Variants in LIPA observed in about 807,000 individuals in gnomAD.
The protein encoded by LIPA is lysosomal acid lipase/cholesteryl ester hydrolase.
In LIPA, 26 loss-of-function variants were observed where a neutral mutation model predicts 40.6. The ratio of observed to expected loss-of-function variants is 0.64; its 90% CI spans 0.47 to 0.89. The LOEUF (loss-of-function observed/expected upper bound fraction) is 0.89. LIPA is among the 40% of genes least tolerant of loss of function. The probability of loss-of-function intolerance (pLI) is 0.00; values close to 1 mark genes in which losing one functional copy is unlikely to be tolerated. For missense variants in LIPA, 455 were observed against 479.6 expected (o/e 0.95, Z 0.48); for synonymous variants, 188 against 168.4 (o/e 1.12, Z -0.90).
At chr10:89,372,172 C>G (rs1243964268) in intron 2 of LIPA, among the ~76,000 whole-genome samples, 1 of 152,234 alleles carries the variant, frequency 6.6e-6, no homozygotes, top group African/African-American at 2.4e-5. Flanking sequence ...TCTGTCTTAT[C>G]TGCTTTTGCA....
At chr10:89,340,085 C>G in intron 1 of LIPA, 2 of 1,612,036 alleles carry the variant, frequency 1.2e-6, no homozygotes, top group East Asian at 2.2e-5. Flanking sequence ...GCAGTCAGCT[C>G]CAGTCCCAGA....
At chr10:89,253,124 G>A (rs1475076245), upstream of LIPA, among the ~76,000 whole-genome samples, 2 of 152,198 alleles carry the variant, frequency 1.3e-5, no homozygotes, top group African/African-American at 2.4e-5. Context: ...TGAGTAAGAT[G>A]AGAAGCCAGT....
chr10:89,251,583 G>A (rs951547354), intron 1 of LIPA, among the ~76,000 whole-genome samples, 154 bp downstream of exon 1: 9 of 152,178 alleles, frequency 5.9e-5, no homozygotes, highest in African/African-American at 2.2e-4. Flanking sequence ...CGCAGAAAAA[G>A]CACCCGCAGG....
In LIPA at chr10:89,385,047, T is replaced by C. The variant is rs1844200626; in HGVS notation, c.61+27744A>G. 4 of 242,808 alleles carry C rather than the reference T, an allele frequency of 1.6e-5. No homozygotes were observed. In the South Asian group the frequency reaches 4.1e-4, roughly 25 times the overall value. The allele number at this position is 242,808 out of a possible 1,614,324, so 15.0% of individuals were successfully genotyped here. Reference sequence around the variant, plus strand: ...GATCAAATTGCTATAACGTGTGTACTGACCTTATGTGGAAAATGCTGCAAC... The same window carrying C: ...GATCAAATTGCTATAACGTGTGTACCGACCTTATGTGGAAAATGCTGCAAC... On this transcript the variant is annotated intron_variant, in intron 2 of 8. Transcript: ENST00000371837.
At chr10:89,352,839 A>G (rs1325931929) in intron 2 of LIPA, among the ~76,000 whole-genome samples, 1 of 151,928 alleles carries the variant, frequency 6.6e-6, no homozygotes, top group Admixed American at 6.6e-5. Context: ...ATTTGTCCAT[A>G]AGGAAATTCC....
rs775551083 is a variant in LIPA at position 89,340,037 on chromosome 10, C to T, written c.-2+2574G>A. The T allele has an allele frequency of 3.1e-6, 5 of 1,614,064 alleles. No homozygotes were observed. The African/African-American group carries it at 5.3e-5, about 17-fold the overall frequency. Reference sequence around the variant, plus strand: ...ATAGGCAGTATTTTCCTGTCAGCATCTGAGCTTGAGGATGGTAGTGAGGAA... The same window carrying T: ...ATAGGCAGTATTTTCCTGTCAGCATTTGAGCTTGAGGATGGTAGTGAGGAA... On this transcript the variant is annotated intron_variant, in intron 1 of 5. Transcript: ENST00000282673.
intron 2 of LIPA, among the ~76,000 whole-genome samples, chr10:89,358,994 T>C (rs1043930768): frequency 2.0e-5 from 3 of 152,228 alleles, no homozygotes; most frequent in Non-Finnish European, 2.9e-5. Flanking sequence ...GATTACACAC[T>C]GTATAAATGT....
chr10:89,345,035 C>T (rs1216129037), upstream of LIPA, among the ~76,000 whole-genome samples: 3 of 151,166 alleles, frequency 2.0e-5, no homozygotes, highest in South Asian at 2.1e-4. Flanking sequence ...GGCATAGTGG[C>T]GGGCATCTGT....
At chr10:89,378,175 T>C in intron 2 of LIPA, 1 of 1,612,000 alleles carries the variant, frequency 6.2e-7, no homozygotes, top group South Asian at 1.1e-5. Context: ...ACCTTATTTC[T>C]GCACACTTTG....
At position 89,354,240 on chromosome 10, in the gene LIPA, C is replaced by T. The variant is rs1014356419; in HGVS notation, c.61+58551G>A. On this transcript the variant is annotated intron_variant, in intron 2 of 8. Transcript: ENST00000371837. The stretch of plus-strand genomic sequence containing the variant: ...AGAATGCAACCTTTTGTCTCTTATC[C>T]GCCTATCACCTGGAAGCTCCCACTT... Among the ~76,000 whole-genome samples, 13 of 152,278 alleles carry T rather than the reference C, an allele frequency of 8.5e-5. No homozygotes were observed. The South Asian group carries it at 1.5e-3, about 17-fold the overall frequency.
intron 2 of LIPA, among the ~76,000 whole-genome samples, chr10:89,364,134 C>T (rs757407433): frequency 6.6e-5 from 10 of 152,198 alleles, no homozygotes; most frequent in African/African-American, 7.2e-5. Context: ...TGGCACACAT[C>T]GCATCATCAG....
intron 1 of LIPA, among the ~76,000 whole-genome samples, chr10:89,413,863 C>G (rs948712520): frequency 3.3e-5 from 5 of 152,056 alleles, no homozygotes; most frequent in African/African-American, 1.2e-4. Flanking sequence ...GGGTAAGGCC[C>G]GTGTCTGTTT....
At chr10:89,358,151 C>T (rs1843999661) in intron 2 of LIPA, among the ~76,000 whole-genome samples, 1 of 152,142 alleles carries the variant, frequency 6.6e-6, no homozygotes, top group African/African-American at 2.4e-5. Context: ...TTAGTTCCTC[C>T]ATGTGGTGAG....
At chr10:89,269,163 A>T (rs1177275265) in intron 1 of LIPA, among the ~76,000 whole-genome samples, 1 of 149,372 alleles carries the variant, frequency 6.7e-6, no homozygotes, top group East Asian at 2.0e-4. Context: ...CGTCTCTACT[A>T]AAAAATACAA....
intron 1 of LIPA, among the ~76,000 whole-genome samples, chr10:89,413,539 A>T (rs1841495140): frequency 6.6e-6 from 1 of 152,138 alleles, no homozygotes. Flanking sequence ...TTTAAGGTTT[A>T]GAAAAATATT....
At position 89,214,649 on chromosome 10, in the gene LIPA, A is replaced by G. The variant is rs1397035433; in HGVS notation, c.*179T>C. 1 of 583,134 alleles carries G rather than the reference A, an allele frequency of 1.7e-6. No homozygotes were observed. Among genetic ancestry groups the G allele is most frequent in the Non-Finnish European group, 3.0e-6 (1 of 329,882 alleles). The allele number at this position is 583,134 out of a possible 1,614,324, so 36.1% of individuals were successfully genotyped here. ...TTCCAGCCCTAATTAAAGAAAAAAT[A>G]GCTAGTATGTTTCTAATTGAAACTA... On this transcript the variant is annotated 3_prime_UTR_variant, in exon 10 of 10. Coordinates refer to ENST00000336233, the MANE Select transcript of LIPA (RefSeq NM_000235.4).
upstream of LIPA, among the ~76,000 whole-genome samples, chr10:89,253,928 C>A (rs976216289): frequency 6.6e-6 from 1 of 152,256 alleles, no homozygotes; most frequent in Non-Finnish European, 1.5e-5. Context: ...TGTCTCACAT[C>A]CAGGTCACAC....
chr10:89,270,142 G>T (rs1843257482), intron 1 of LIPA, among the ~76,000 whole-genome samples: 1 of 152,196 alleles, frequency 6.6e-6, no homozygotes, highest in African/African-American at 2.4e-5. Flanking sequence ...ACATTCCCTA[G>T]CATGTGGTGT....
At chr10:89,303,158 T>C (rs1843456561) in intron 1 of LIPA, among the ~76,000 whole-genome samples, 1 of 152,264 alleles carries the variant, frequency 6.6e-6, no homozygotes, top group South Asian at 2.1e-4. Context: ...ATCTGTCCTT[T>C]CTTTCCTTAA....
Sources: allele counts gnomAD v4.1 joint callset (sites outside exome capture counted in the v4.1 genomes callset), GRCh38; gene constraint gnomAD v4.1.1; transcripts MANE v1.5; gene names NCBI Gene and HGNC (gene_info 2026-07-23, HGNC 2026-07-21).